Variants in CSMD3 observed in about 807,000 individuals in gnomAD.
The protein encoded by CSMD3 is CUB and Sushi multiple domains 3.
Under a neutral mutation model 435.2 loss-of-function variants are expected in CSMD3, and 177 were observed. The ratio of observed to expected loss-of-function variants is 0.41; its 90% CI spans 0.36 to 0.46. The LOEUF (loss-of-function observed/expected upper bound fraction) is 0.46. CSMD3 is among the 20% of genes least tolerant of loss of function. The pLI is 0.34. For synonymous variants in CSMD3, 1,656 were observed against 1,520.5 expected (o/e 1.09, Z -2.07); for missense variants, 4,265 against 4,504.6 (o/e 0.95, Z 1.52).
At chr8:112,742,447 CTG>C (rs376516724) in intron 13 of CSMD3, among the ~76,000 whole-genome samples, 345 of 152,002 alleles carry the variant, frequency 2.3e-3, no homozygotes, top group African/African-American at 8.2e-3. Context: ...TCCTTACACA[CTG>C]TGGAAAGCTG....
intron 2 of CSMD3, among the ~76,000 whole-genome samples, chr8:113,292,805 C>T (rs62519857): frequency 6.6e-6 from 1 of 151,160 alleles, no homozygotes; most frequent in Non-Finnish European, 1.5e-5. Flanking sequence ...AAGGTGAAAA[C>T]CTCAATTACT....
intron 13 of CSMD3, among the ~76,000 whole-genome samples, chr8:112,744,096 T>TA (rs555650700): frequency 6.6e-6 from 1 of 152,064 alleles, no homozygotes; most frequent in Non-Finnish European, 1.5e-5. Flanking sequence ...AATGAACATT[T>TA]AAAAAAATTG....
At chr8:112,629,664 A>AT (rs2074457860) in intron 22 of CSMD3, among the ~76,000 whole-genome samples, 1 of 152,224 alleles carries the variant, frequency 6.6e-6, no homozygotes, top group African/African-American at 2.4e-5. Flanking sequence ...GACTTAAGAA[A>AT]TTGTGACTTT....
At chr8:112,829,846 CA>C in intron 11 of CSMD3, 57 bp from the exon 12 acceptor site, 1 of 873,178 alleles carries the variant, frequency 1.1e-6, no homozygotes, top group East Asian at 2.5e-5. Flanking sequence ...ATAAAAACAA[CA>C]AAAAAAGCAA....
intron 3 of CSMD3, among the ~76,000 whole-genome samples, chr8:113,269,006 A>G (rs2093496182): frequency 6.6e-6 from 1 of 152,182 alleles, no homozygotes; most frequent in Non-Finnish European, 1.5e-5. Flanking sequence ...TTTTACTACA[A>G]TTAATGCTGG....
At chr8:112,359,164 G>C (rs1338652808) in intron 38 of CSMD3, among the ~76,000 whole-genome samples, 1 of 152,064 alleles carries the variant, frequency 6.6e-6, no homozygotes, top group Non-Finnish European at 1.5e-5. Context: ...AAATGGGTTA[G>C]AAAAAGAGGT....
At chr8:112,496,606 T>G (rs926717186) in intron 30 of CSMD3, among the ~76,000 whole-genome samples, 1 of 152,056 alleles carries the variant, frequency 6.6e-6, no homozygotes, top group Non-Finnish European at 1.5e-5. Flanking sequence ...ATATATACAA[T>G]GAAGTACTAT....
At chr8:112,748,671 G>A (rs955770768) in intron 13 of CSMD3, among the ~76,000 whole-genome samples, 6 of 152,074 alleles carry the variant, frequency 3.9e-5, no homozygotes, top group Non-Finnish European at 8.8e-5. Flanking sequence ...AATATATGAT[G>A]CTGCTTTTTT....
At chr8:112,562,393 G>T (rs913175929) in intron 24 of CSMD3, among the ~76,000 whole-genome samples, 9 of 150,976 alleles carry the variant, frequency 6.0e-5, no homozygotes, top group Non-Finnish European at 1.0e-4. Flanking sequence ...TTTTAATTCA[G>T]TTAAAACATA....
intron 22 of CSMD3, among the ~76,000 whole-genome samples, chr8:112,593,646 A>G (rs1563743746): frequency 6.6e-6 from 1 of 152,188 alleles, no homozygotes; most frequent in African/African-American, 2.4e-5. Flanking sequence ...TGAGAAGAGA[A>G]GCAAAATAAG....
intron 13 of CSMD3, among the ~76,000 whole-genome samples, chr8:112,726,435 T>C (rs2076965883): frequency 6.6e-6 from 1 of 151,902 alleles, no homozygotes; most frequent in African/African-American, 2.4e-5. Flanking sequence ...ATTATGTACT[T>C]GGCAAGTAGT....
intron 3 of CSMD3, among the ~76,000 whole-genome samples, chr8:113,226,372 T>C (rs10094251): frequency 0.16 from 24,698 of 151,570 alleles, 4,008 homozygotes; most frequent in African/African-American, 0.42. Context: ...ACATGGTTTA[T>C]ACAACTTTAC....
chr8:112,814,320 G>C (rs759835747), intron 12 of CSMD3, among the ~76,000 whole-genome samples: 4 of 152,084 alleles, frequency 2.6e-5, no homozygotes, highest in Non-Finnish European at 4.4e-5. Flanking sequence ...ATTGAAAAAG[G>C]GTGTGTTCAG....
intron 1 of CSMD3, among the ~76,000 whole-genome samples, chr8:113,425,461 T>C (rs76608362): frequency 0.018 from 2,741 of 151,380 alleles, 94 homozygotes; most frequent in African/African-American, 0.06. Flanking sequence ...TTTGTGAAGA[T>C]GGGGAAAATA....
chr8:112,598,660 C>T (rs977321200), intron 22 of CSMD3, among the ~76,000 whole-genome samples: 1 of 149,088 alleles, frequency 6.7e-6, no homozygotes, highest in East Asian at 2.0e-4. Flanking sequence ...GGTACTGGTA[C>T]CAAAACAGAG....
At chr8:112,712,976 C>T (rs139485398) in intron 13 of CSMD3, among the ~76,000 whole-genome samples, 18 of 152,140 alleles carry the variant, frequency 1.2e-4, no homozygotes, top group South Asian at 2.1e-4. Flanking sequence ...CTAGAAGAAG[C>T]AGCGATTGGA....
intron 13 of CSMD3, among the ~76,000 whole-genome samples, chr8:112,756,887 A>G (rs7007955): frequency 0.33 from 50,323 of 151,182 alleles, 9,225 homozygotes; most frequent in African/African-American, 0.5. Flanking sequence ...TACTGCCTCA[A>G]CCTCCCGAGT....
In CSMD3 at chr8:112,318,908, A is replaced by G; in HGVS notation, c.7289T>C (p.Val2430Ala). 1 of 1,612,448 alleles carries G rather than the reference A, an allele frequency of 6.2e-7. No homozygotes were observed. The highest frequency in any genetic ancestry group is 8.5e-7 in the Non-Finnish European group (1 of 1,179,348). ...TCTGCACGTCAGAATTGCATTACCA[A>G]CTAAAGTAAATCCTGGAAGACACTG... ...RYQCLPGFTL[V>A]GNAILTCRLG... The change falls in exon 47 of 71, where the codon GTT becomes GCT. Residue 2430 changes from valine to alanine, a missense_variant. By Grantham distance (64) the Val-to-Ala change is moderately conservative (BLOSUM62 0). Around this residue, in one of 3 missense-constraint regions of CSMD3, gnomAD observed 3,255 missense variants for 3,380.2 expected, o/e 0.96. Transcript: ENST00000297405.
intron 2 of CSMD3, chr8:113,309,310 C>T (rs561428206): frequency 6.6e-6 from 1 of 152,048 alleles, no homozygotes; most frequent in Non-Finnish European, 1.5e-5. Flanking sequence ...ATGCCAAGCC[C>T]TAGGACGTGA....
Sources: allele counts gnomAD v4.1 joint callset (sites outside exome capture counted in the v4.1 genomes callset), GRCh38; gene constraint gnomAD v4.1.1; regional missense constraint gnomAD v4.1.1; transcripts MANE v1.5; gene names NCBI Gene and HGNC (gene_info 2026-07-23, HGNC 2026-07-21).